Variants in STAT5B observed in about 807,000 individuals in gnomAD.
STAT5B encodes transcription factor STAT5B.
STAT5B carries 21 observed loss-of-function variants against 107.8 expected under a neutral mutation model. That is an observed-to-expected ratio of 0.19 (90% CI 0.14 to 0.28). STAT5B has a LOEUF of 0.28. Among genes scored for constraint, STAT5B ranks in the 10% least tolerant of loss-of-function variants. The probability of loss-of-function intolerance (pLI) is 1.00; values close to 1 mark genes in which losing one functional copy is unlikely to be tolerated. For synonymous variants in STAT5B, 325 were observed against 401.7 expected, an observed-to-expected ratio of 0.81 and a Z score of 2.28; for missense variants, 565 against 1,008.2, an observed-to-expected ratio of 0.56 and a Z score of 5.95.
At chr17:42,280,914 CAGG>C (rs1302641770), upstream of STAT5B, among the ~76,000 whole-genome samples, 7 of 152,010 alleles carry the variant, frequency 4.6e-5, no homozygotes, top group African/African-American at 7.2e-5. Context: ...GCGGGTGGGT[CAGG>C]AGGTCAGGCG....
At chr17:42,232,531 G>A (rs1489061149) in intron 1 of STAT5B, among the ~76,000 whole-genome samples, 2 of 152,142 alleles carry the variant, frequency 1.3e-5, no homozygotes, top group East Asian at 3.9e-4. Flanking sequence ...TTACAGGCGT[G>A]AGCCACCACG....
At chr17:42,262,966 GTGTGTA>G (rs1162985647) in intron 1 of STAT5B, among the ~76,000 whole-genome samples, 167 of 38,718 alleles carry the variant, frequency 4.3e-3, no homozygotes, top group Non-Finnish European at 5.6e-3. Flanking sequence ...GTGTGTGTGT[GTGTGTA>G]TATATATATA....
chr17:42,225,516 C>G (rs1407932685), intron 3 of STAT5B, among the ~76,000 whole-genome samples: 2 of 152,118 alleles, frequency 1.3e-5, no homozygotes, highest in Non-Finnish European at 2.9e-5. Flanking sequence ...AAGGACAAGT[C>G]ACCTACAATT....
At chr17:42,220,624 A>G (rs2080217396) in intron 5 of STAT5B, among the ~76,000 whole-genome samples, 1 of 152,122 alleles carries the variant, frequency 6.6e-6, no homozygotes, top group Non-Finnish European at 1.5e-5. Context: ...ACACGGACAG[A>G]CAGACAGACC....
chr17:42,214,575 T>C, intron 12 of STAT5B: 1 of 985,446 alleles, frequency 1.0e-6, no homozygotes, highest in Non-Finnish European at 1.2e-6. Context: ...GTAAATGAGC[T>C]GTTGAACTAA....
upstream of STAT5B, among the ~76,000 whole-genome samples, chr17:42,278,049 C>T (rs566372417): frequency 9.8e-5 from 15 of 152,314 alleles, no homozygotes; most frequent in East Asian, 2.9e-3. Context: ...AGCCACCGCA[C>T]CTGACTCATG....
At chr17:42,263,871 G>GCACACACGCACACACA (rs1555553707) in intron 1 of STAT5B, among the ~76,000 whole-genome samples, 1 of 144,936 alleles carries the variant, frequency 6.9e-6, no homozygotes, top group African/African-American at 2.6e-5. Flanking sequence ...TAGAAAGCGC[G>GCACACACGCACACACA]CACACACACA....
At chr17:42,219,265 C>T (rs1159223615) in intron 7 of STAT5B, 47 bp downstream of exon 7, 5 of 1,592,436 alleles carry the variant, frequency 3.1e-6, no homozygotes, top group Non-Finnish European at 4.3e-6. Context: ...AGCCGGGATC[C>T]CCACCAGCCC....
At chr17:42,218,673 A>T (rs1245503742) in intron 8 of STAT5B, 50 bp downstream of exon 8, 1 of 1,612,020 alleles carries the variant, frequency 6.2e-7, no homozygotes, top group Admixed American at 1.7e-5. Flanking sequence ...CCCCCCACGC[A>T]GGCAGGAGCT....
At chr17:42,282,398 A>G in the STAT5B span, among the ~76,000 whole-genome samples, 1 of 151,870 alleles carries the variant, frequency 6.6e-6, no homozygotes, top group African/African-American at 2.4e-5. Context: ...ATCTCATCTC[A>G]CTGCCACCTC....
intron 1 of STAT5B, among the ~76,000 whole-genome samples, chr17:42,265,910 T>C: frequency 6.6e-6 from 1 of 152,156 alleles, no homozygotes; most frequent in East Asian, 1.9e-4. Flanking sequence ...TCTTCTTTTG[T>C]TCATTTTCTA....
In STAT5B at chr17:42,214,110, T is replaced by C. The variant is rs933120667; in HGVS notation, c.1473+1904A>G. 5 of 685,288 alleles carry C rather than the reference T, an allele frequency of 7.3e-6. No individual in the cohort carries two copies. In the African/African-American group the frequency reaches 9.9e-5, roughly 14 times the overall value. The allele number at this position is 685,288 out of a possible 1,614,324, so 42.5% of individuals were successfully genotyped here. ...GTGAGCCGAGATAATGCCACTGTAC[T>C]CCAGCCTGGGTGACAGAGCAAGACT... On this transcript the variant is annotated intron_variant, in intron 12 of 18. Transcript: ENST00000293328.
chr17:42,243,805 C>T (rs768983575), intron 1 of STAT5B, among the ~76,000 whole-genome samples: 9 of 152,200 alleles, frequency 5.9e-5, no homozygotes, highest in Middle Eastern at 3.4e-3. Context: ...ACTTCTTAGG[C>T]GTTGTGCTGC....
In STAT5B at chr17:42,210,724, A is replaced by G. The variant is rs192118598; in HGVS notation, c.1681-227T>C. The G allele has an allele frequency of 3.4e-3, 1,795 of 527,430 alleles. 9 individuals are homozygous for G. Among genetic ancestry groups the G allele is most frequent in the Non-Finnish European group, 4.5e-3 (1,291 of 288,552 alleles). 32.7% of individuals were successfully genotyped at this position (527,430 alleles called of 1,614,324 possible). A position where few individuals can be genotyped will look rare whatever the true frequency, so the allele number is the denominator to read the frequency against. On this transcript the variant is annotated intron_variant, in intron 13 of 18. Transcript: ENST00000293328. ...TACCAGCACCCAGTGGGCTCCTGCT[A>G]CAGACACTTTCACCTGGGACTGGGC...
rs547465707 is a variant in STAT5B at position 42,219,917 on chromosome 17, C to T, written c.551-75G>A. 3.0e-4 allele frequency: 486 copies of T among 1,604,918 alleles called. 2 individuals are homozygous for T. In the South Asian group the frequency reaches 3.2e-3, roughly 11 times the overall value. ...GGAGGCCCAGAGAAGCCCACTCACC[C>T]GTTCTGGAGCGAGACCCTCCTGGGC... On this transcript the variant is annotated intron_variant, in intron 5 of 18. Transcript: ENST00000293328.
intron 1 of STAT5B, among the ~76,000 whole-genome samples, chr17:42,269,173 A>C (rs2094184485): frequency 6.6e-6 from 1 of 152,114 alleles, no homozygotes; most frequent in Non-Finnish European, 1.5e-5. Flanking sequence ...TCCTGGGTTC[A>C]AGTGATTCTT....
At chr17:42,218,361 G>T in intron 8 of STAT5B, 31 bp from the exon 9 acceptor site, 1 of 1,606,980 alleles carries the variant, frequency 6.2e-7, no homozygotes, top group Non-Finnish European at 8.5e-7. Context: ...GATGCATGAT[G>T]AGGGGCTGGT....
chr17:42,209,445 C>T (rs2080111708), intron 15 of STAT5B, among the ~76,000 whole-genome samples: 1 of 152,192 alleles, frequency 6.6e-6, no homozygotes, highest in Admixed American at 6.5e-5. Context: ...TTTCCTGATG[C>T]CCTGGTGCAG....
chr17:42,255,312 T>C (rs1490151081), intron 1 of STAT5B, among the ~76,000 whole-genome samples: 1 of 152,218 alleles, frequency 6.6e-6, no homozygotes, highest in Admixed American at 6.5e-5. Context: ...AGTGCAGGTT[T>C]ATCAGCAAGA....
Sources: gnomAD v4.1 joint callset for allele counts (sites outside exome capture counted in the v4.1 genomes callset) on GRCh38, gnomAD v4.1.1 for gene constraint, MANE v1.5 for transcripts, NCBI Gene and HGNC (gene_info 2026-07-23, HGNC 2026-07-21) for gene names.